INPP5F: variants seen among roughly 807,000 people sequenced by gnomAD.
INPP5F encodes the protein inositol polyphosphate-5-phosphatase F, also known as phosphatidylinositide 4-phosphatase SAC2.
A neutral mutation model predicts 137.2 loss-of-function variants in INPP5F; 97 were observed. The observed-to-expected ratio is 0.71, with a 90% CI of 0.60 to 0.84. The LOEUF (loss-of-function observed/expected upper bound fraction) is 0.84, where lower values mean the gene tolerates loss of function less well. Ranked by LOEUF, INPP5F falls within the 40% of genes least tolerant of loss-of-function variation. The pLI is 0.00. For missense variants in INPP5F, 1,271 were observed against 1,371.9 expected (o/e 0.93, Z 1.16); for synonymous variants, 504 against 476.9 (o/e 1.06, Z -0.74).
chr10:119,801,568 G>A (rs1224622340), intron 9 of INPP5F, among the ~76,000 whole-genome samples: 2 of 152,170 alleles, frequency 1.3e-5, no homozygotes, highest in Middle Eastern at 3.4e-3. Context: ...AATAGAGCCT[G>A]TCTGTACAAA....
intron 1 of INPP5F, among the ~76,000 whole-genome samples, chr10:119,740,921 A>T (rs1023911299): frequency 6.6e-6 from 1 of 152,240 alleles, no homozygotes; most frequent in Non-Finnish European, 1.5e-5. Context: ...GGAGTTTTAA[A>T]TACATACACA....
rs147858071 is a variant in INPP5F at position 119,826,630 on chromosome 10, G to A, written c.2250-1G>A. 2.6e-6 allele frequency: 4 copies of A among 1,562,444 alleles called. No homozygotes were observed. The African/African-American group carries it at 5.5e-5, about 22-fold the overall frequency. ...AACTTTTTTTCTCTTCTAATTTGTA[G>A]GAAGAGCAGTAAACCTCACGAAGAC... On this transcript the variant is annotated splice_acceptor_variant, in intron 19 of 19. Coordinates refer to ENST00000650623, the MANE Select transcript of INPP5F (RefSeq NM_014937.4). LOFTEE classifies it high-confidence loss of function.
intron 13 of INPP5F, among the ~76,000 whole-genome samples, chr10:119,808,914 G>A (rs1850912508): frequency 6.6e-6 from 1 of 152,156 alleles, no homozygotes; most frequent in African/African-American, 2.4e-5. Context: ...ATTAATTACA[G>A]AAAGTAAACT....
intron 2 of INPP5F, among the ~76,000 whole-genome samples, chr10:119,767,507 C>T (rs1185664030): frequency 6.6e-6 from 1 of 151,906 alleles, no homozygotes; most frequent in Non-Finnish European, 1.5e-5. Flanking sequence ...CAAAAGAAGG[C>T]AAGAAAAGGT....
At chr10:119,733,271 ACTTT>A (rs1209304192) in intron 1 of INPP5F, among the ~76,000 whole-genome samples, 2 of 152,192 alleles carry the variant, frequency 1.3e-5, no homozygotes, top group African/African-American at 2.4e-5. Flanking sequence ...GCCTGCATTG[ACTTT>A]CTTGCAAAAT....
At chr10:119,767,347 C>T (rs1376495222) in intron 2 of INPP5F, among the ~76,000 whole-genome samples, 2 of 151,916 alleles carry the variant, frequency 1.3e-5, no homozygotes, top group East Asian at 3.8e-4. Flanking sequence ...TTTCACTGTC[C>T]AGCAGCTGGA....
intron 1 of INPP5F, among the ~76,000 whole-genome samples, chr10:119,735,604 C>T (rs1465456558): frequency 6.6e-6 from 1 of 151,990 alleles, no homozygotes; most frequent in Non-Finnish European, 1.5e-5. Context: ...CTCTTATTTC[C>T]AGCTTAAAGA....
intron 1 of INPP5F, among the ~76,000 whole-genome samples, chr10:119,736,358 T>G (rs196226): frequency 0.98 from 149,287 of 152,278 alleles, 73,257 homozygotes; most frequent in Middle Eastern, 1. Flanking sequence ...TAGAGATGGG[T>G]TCTCACTATG....
intron 17 of INPP5F, among the ~76,000 whole-genome samples, 167 bp downstream of exon 17, chr10:119,822,671 A>G (rs1851611828): frequency 6.6e-6 from 1 of 152,240 alleles, no homozygotes; most frequent in Non-Finnish European, 1.5e-5. Flanking sequence ...TCTAGGGAAT[A>G]GGTATGAAAT....
chr10:119,785,565 A>AGAGAGAGAGG (rs1849872098), intron 3 of INPP5F, among the ~76,000 whole-genome samples: 1 of 151,296 alleles, frequency 6.6e-6, no homozygotes, highest in African/African-American at 2.4e-5. Flanking sequence ...AGAGAGAGAG[A>AGAGAGAGAGG]GAGAGAGAGA....
Position 119,811,841 on chromosome 10 carries a change from A to G in INPP5F, c.1772A>G (p.Asn591Ser). The change falls in exon 15 of 20, where the codon AAT becomes AGT. Residue 591 changes from asparagine to serine, a missense_variant. By Grantham distance (46) the Asn-to-Ser change is conservative. Around this residue, in one of 6 missense-constraint regions of INPP5F, gnomAD observed 593 missense variants for 712.4 expected, o/e 0.83. Transcript: ENST00000650623. The stretch of plus-strand genomic sequence containing the variant: ...GAACATGAAGCTTTGCATAAGGAAA[A>G]TCAGAGAAGCCACCAGGAACTAATT... ...EKEHEALHKE[N>S]QRSHQELISQ... The G allele has an allele frequency of 6.2e-7, 1 of 1,614,142 alleles. No individual in the cohort carries two copies. The highest frequency in any genetic ancestry group is 8.5e-7 in the Non-Finnish European group (1 of 1,179,954).
At chr10:119,776,636 A>T (rs1386801277) in intron 2 of INPP5F, among the ~76,000 whole-genome samples, 1 of 152,026 alleles carries the variant, frequency 6.6e-6, no homozygotes, top group African/African-American at 2.4e-5. Context: ...CAGGGCAAGA[A>T]GATGTAAACT....
intron 11 of INPP5F, 36 bp from the exon 12 acceptor site, chr10:119,806,324 T>C (rs558649158): frequency 1.4e-6 from 2 of 1,409,676 alleles, no homozygotes; most frequent in African/African-American, 2.9e-5. Context: ...CCTATTATTT[T>C]ATATTGTAAA....
intron 15 of INPP5F, chr10:119,816,746 CG>C (rs1851294757): frequency 6.6e-6 from 1 of 152,232 alleles, no homozygotes; most frequent in South Asian, 2.1e-4. Context: ...AGCCAGGCAG[CG>C]GAAGGCTCAG....
intron 2 of INPP5F, among the ~76,000 whole-genome samples, chr10:119,752,233 G>A (rs941809612): frequency 7.9e-5 from 12 of 152,086 alleles, no homozygotes; most frequent in African/African-American, 2.2e-4. Flanking sequence ...GCTGTTTATC[G>A]CAGATGTGCG....
intron 2 of INPP5F, among the ~76,000 whole-genome samples, chr10:119,771,603 G>A (rs1281883380): frequency 6.6e-6 from 1 of 151,506 alleles, no homozygotes; most frequent in Non-Finnish European, 1.5e-5. Flanking sequence ...CAATTATTAT[G>A]CTTATAGTCT....
intron 3 of INPP5F, among the ~76,000 whole-genome samples, chr10:119,783,113 C>T (rs1003087434): frequency 2.0e-5 from 3 of 152,078 alleles, no homozygotes; most frequent in African/African-American, 4.8e-5. Flanking sequence ...TATTGCTGAT[C>T]GAGAGACAAA....
At chr10:119,789,856 G>A (rs1850074660) in intron 3 of INPP5F, among the ~76,000 whole-genome samples, 1 of 151,842 alleles carries the variant, frequency 6.6e-6, no homozygotes, top group African/African-American at 2.4e-5. Flanking sequence ...AGGCTGGAAA[G>A]GAACTGCTCA....
At chr10:119,815,916 C>G (rs1851252628) in intron 15 of INPP5F, 1 of 152,666 alleles carries the variant, frequency 6.6e-6, no homozygotes, top group African/African-American at 2.4e-5. Context: ...CTAGATTTTC[C>G]TTGCTGTTGG....
Sources: gnomAD v4.1 joint callset for allele counts (sites outside exome capture counted in the v4.1 genomes callset) on GRCh38, gnomAD v4.1.1 for gene constraint, gnomAD v4.1.1 regional missense constraint, MANE v1.5 for transcripts, NCBI Gene and HGNC (gene_info 2026-07-23, HGNC 2026-07-21) for gene names.